Variants in CEP70 observed in about 807,000 individuals in gnomAD.
CEP70 encodes centrosomal protein 70, also known as centrosomal protein of 70 kDa.
In CEP70, 70 loss-of-function variants were observed where a neutral mutation model predicts 90.9. The ratio of observed to expected loss-of-function variants is 0.77; its 90% CI spans 0.64 to 0.94. The LOEUF (loss-of-function observed/expected upper bound fraction) is 0.94, where lower values mean the gene tolerates loss of function less well. Among genes scored for constraint, CEP70 ranks in the 40% least tolerant of loss-of-function variants. The pLI is 0.00. For missense variants in CEP70, 648 were observed against 669.0 expected (o/e 0.97, Z 0.35); for synonymous variants, 220 against 228.3 (o/e 0.96, Z 0.33).
intron 6 of CEP70, among the ~76,000 whole-genome samples, chr3:138,568,868 A>G (rs2040963764): frequency 6.6e-6 from 1 of 151,944 alleles, no homozygotes; most frequent in South Asian, 2.1e-4. Flanking sequence ...AGTCCCAGCT[A>G]CTTGGGAGGC....
At chr3:138,532,640 A>G (rs2037928636) in intron 7 of CEP70, 70 bp from the exon 8 acceptor site, 2 of 1,253,048 alleles carry the variant, frequency 1.6e-6, no homozygotes, top group Admixed American at 3.4e-5. Context: ...GTTTCACCAC[A>G]TAATTTCAAA....
rs531375346 is a variant in CEP70 at position 138,557,141 on chromosome 3, A to G, written c.465+13177T>C. On this transcript the variant is annotated intron_variant, in intron 6 of 17. Coordinates refer to ENST00000264982, the MANE Select transcript of CEP70 (RefSeq NM_024491.4). ...GGGATGTTCCTTGCTGAGAAAAAGAATTCAGTGATATTTCTCCCATTTGCT... is the reference window on the plus strand; with the variant it reads ...GGGATGTTCCTTGCTGAGAAAAAGAGTTCAGTGATATTTCTCCCATTTGCT... 8.8e-4 allele frequency among the ~76,000 whole-genome samples: 134 copies of G among 152,266 alleles called. 1 individual carries two copies. The highest frequency in any genetic ancestry group is 3.1e-3 in the African/African-American group (129 of 41,560).
Position 138,494,994 on chromosome 3 carries a change from T to TA in CEP70, c.*20dup. The TA allele has an allele frequency of 7.8e-7, 1 of 1,277,848 alleles. No homozygotes were observed. Among genetic ancestry groups the TA allele is most frequent in the Non-Finnish European group, 1.1e-6 (1 of 889,742 alleles). 79.2% of individuals were successfully genotyped at this position (1,277,848 alleles called of 1,614,324 possible). A position where few individuals can be genotyped will look rare whatever the true frequency, so the allele number is the denominator to read the frequency against. ...AATGTTAAGAATACAATTTACACAG[T>TA]AAAAATGATTTGATTTGTTTTCAGT... On this transcript the variant is annotated 3_prime_UTR_variant, in exon 18 of 18. Transcript: ENST00000264982.
rs146123544 is a variant in CEP70 at position 138,553,352 on chromosome 3, T to C, written c.466-16005A>G. On this transcript the variant is annotated intron_variant, in intron 6 of 17. Coordinates refer to ENST00000264982, the MANE Select transcript of CEP70 (RefSeq NM_024491.4). ...AAAATTAGCTGGGCGTGGCAGCGGG[T>C]GCCTATAGTCCCAGCTACTTGGGAG... is the stretch of plus-strand genomic sequence containing the variant. Among the ~76,000 whole-genome samples the C allele has an allele frequency of 5.5e-3, 839 of 152,036 alleles. 7 individuals are homozygous for C. Among genetic ancestry groups the C allele is most frequent in the African/African-American group, 0.019 (807 of 41,506 alleles).
At chr3:138,511,325 C>T (rs1251459038) in intron 11 of CEP70, among the ~76,000 whole-genome samples, 1 of 152,226 alleles carries the variant, frequency 6.6e-6, no homozygotes. Context: ...TTATAAATGA[C>T]TTCCTATTTA....
intron 6 of CEP70, among the ~76,000 whole-genome samples, chr3:138,564,418 C>A (rs1471988833): frequency 6.6e-6 from 1 of 152,176 alleles, no homozygotes; most frequent in Non-Finnish European, 1.5e-5. Flanking sequence ...AGGCCAATAA[C>A]CCTGATGAAC....
chr3:138,559,579 A>G (rs1018301441), intron 6 of CEP70, among the ~76,000 whole-genome samples: 2 of 152,120 alleles, frequency 1.3e-5, no homozygotes, highest in Non-Finnish European at 2.9e-5. Context: ...CTAAACATAC[A>G]AAAATTAGCT....
At chr3:138,562,474 C>A (rs1292191242) in intron 6 of CEP70, among the ~76,000 whole-genome samples, 1 of 152,188 alleles carries the variant, frequency 6.6e-6, no homozygotes, top group African/African-American at 2.4e-5. Context: ...GTTGGGGTTA[C>A]CCACAAAGGG....
chr3:138,570,267 G>A, intron 6 of CEP70, 51 bp downstream of exon 6: 1 of 1,216,934 alleles, frequency 8.2e-7, no homozygotes, highest in Non-Finnish European at 1.1e-6. Context: ...GGACCATAAT[G>A]AGCTGTTTTA....
Position 138,494,944 on chromosome 3 carries a change from A to G in CEP70, c.*71T>C. On this transcript the variant is annotated 3_prime_UTR_variant, in exon 18 of 18. Transcript: ENST00000264982. ...TACATTTTACAACCCTTGTCTCAAA[A>G]TAAGATCAATCCTACAAAATACAAA... The G allele has an allele frequency of 3.5e-6, 3 of 865,256 alleles. No homozygotes were observed. Among genetic ancestry groups the G allele is most frequent in the Non-Finnish European group, 5.6e-6 (3 of 534,010 alleles). 53.6% of individuals were successfully genotyped at this position (865,256 alleles called of 1,614,324 possible). A position where few individuals can be genotyped will look rare whatever the true frequency, so the allele number is the denominator to read the frequency against.
At chr3:138,499,783 T>TACACACACACACAGACACACACACACAC (rs1553829271) in intron 16 of CEP70, 4 of 188,886 alleles carry the variant, frequency 2.1e-5, no homozygotes, top group African/African-American at 9.7e-5. Flanking sequence ...TCTCTCTCTC[T>TACACACACACACAGACACACACACACAC]ACACACACAC....
chr3:138,520,913 A>T (rs1481334196), intron 11 of CEP70, among the ~76,000 whole-genome samples: 4 of 152,024 alleles, frequency 2.6e-5, no homozygotes, highest in African/African-American at 9.7e-5. Context: ...TCCCTGCCTG[A>T]TTCTCCTGCC....
At chr3:138,590,407 C>A (rs1328605507) in intron 2 of CEP70, among the ~76,000 whole-genome samples, 1 of 152,086 alleles carries the variant, frequency 6.6e-6, no homozygotes, top group Non-Finnish European at 1.5e-5. Flanking sequence ...GGTATCCTAG[C>A]TCTGTCTACT....
At chr3:138,535,813 T>C (rs1338935997) in intron 7 of CEP70, among the ~76,000 whole-genome samples, 1 of 152,100 alleles carries the variant, frequency 6.6e-6, no homozygotes, top group Non-Finnish European at 1.5e-5. Flanking sequence ...CTTCCCACTG[T>C]AGTTCTCTCT....
rs150869696 is a variant in CEP70, at chr3:138,555,673, A to C, written c.465+14645T>G. Among the ~76,000 whole-genome samples, 9 of 152,314 alleles carry C rather than the reference A, an allele frequency of 5.9e-5. No homozygotes were observed. In the East Asian group the frequency reaches 7.7e-4, roughly 13 times the overall value. On this transcript the variant is annotated intron_variant, in intron 6 of 17. Coordinates refer to ENST00000264982, the MANE Select transcript of CEP70 (RefSeq NM_024491.4). ...CAAACACATGAAAACATGCTCAACA[A>C]CACCAATGGTCAGGGAAATGCAGAT... is the stretch of plus-strand genomic sequence containing the variant.
At chr3:138,551,766 AAAC>A in intron 6 of CEP70, among the ~76,000 whole-genome samples, 1 of 152,008 alleles carries the variant, frequency 6.6e-6, no homozygotes, top group African/African-American at 2.4e-5. Flanking sequence ...AAATAAAATA[AAAC>A]AAAACCCAAA....
At chr3:138,511,359 T>A (rs1169640738) in intron 11 of CEP70, among the ~76,000 whole-genome samples, 1 of 152,270 alleles carries the variant, frequency 6.6e-6, no homozygotes, top group Non-Finnish European at 1.5e-5. Flanking sequence ...CTTCACAGTT[T>A]TGCCTAAAGG....
rs140542919 is a variant in CEP70 at position 138,569,009 on chromosome 3, A to C, written c.465+1309T>G. Among the ~76,000 whole-genome samples the C allele has an allele frequency of 7.1e-3, 1,079 of 151,896 alleles. 15 individuals carry two copies. The highest frequency in any genetic ancestry group is 0.024 in the African/African-American group (1,008 of 41,402). ...AAAAAACAAACAAAAAAAAAACACAAAAAAAAACAAAGCCAACCTAAAAAT... is the reference window on the plus strand; with the variant it reads ...AAAAAACAAACAAAAAAAAAACACACAAAAAAACAAAGCCAACCTAAAAAT... On this transcript the variant is annotated intron_variant, in intron 6 of 17. Coordinates refer to ENST00000264982, the MANE Select transcript of CEP70 (RefSeq NM_024491.4).
chr3:138,516,873 C>A (rs552514274), intron 11 of CEP70, among the ~76,000 whole-genome samples: 2 of 152,296 alleles, frequency 1.3e-5, no homozygotes, highest in African/African-American at 4.8e-5. Context: ...GTCATCCCAA[C>A]ACTCCCCACT....
Sources: allele counts gnomAD v4.1 joint callset (sites outside exome capture counted in the v4.1 genomes callset), GRCh38; gene constraint gnomAD v4.1.1; transcripts MANE v1.5; gene names NCBI Gene and HGNC (gene_info 2026-07-23, HGNC 2026-07-21).